The following CNTNAP2 variants were observed in gnomAD, a reference collection of about 807,000 sequenced individuals.
The protein encoded by CNTNAP2 is contactin associated protein 2.
In CNTNAP2, 98 loss-of-function variants were observed where a neutral mutation model predicts 155.2. The observed-to-expected ratio is 0.63, with a 90% CI of 0.54 to 0.75. The LOEUF is 0.75. Ranked by LOEUF, CNTNAP2 falls within the 30% of genes least tolerant of loss-of-function variation. The probability of loss-of-function intolerance (pLI) is 0.00; values close to 1 mark genes in which losing one functional copy is unlikely to be tolerated. For missense variants in CNTNAP2, 1,727 were observed against 1,688.1 expected, an observed-to-expected ratio of 1.02 and a Z score of -0.40; for synonymous variants, 651 against 631.2, an observed-to-expected ratio of 1.03 and a Z score of -0.47.
chr7:147,232,723 A>T (rs1190187075), intron 8 of CNTNAP2, among the ~76,000 whole-genome samples: 1 of 152,226 alleles, frequency 6.6e-6, no homozygotes, highest in Non-Finnish European at 1.5e-5. Context: ...TGAAACCATA[A>T]TATTCCTAGA....
intron 21 of CNTNAP2, among the ~76,000 whole-genome samples, chr7:148,290,915 G>A (rs1440035407): frequency 6.6e-6 from 1 of 152,124 alleles, no homozygotes; most frequent in Non-Finnish European, 1.5e-5. Context: ...TTATACCCAT[G>A]AGGATATTAT....
chr7:147,847,408 AT>A (rs1175660837), intron 13 of CNTNAP2, among the ~76,000 whole-genome samples: 2 of 120,680 alleles, frequency 1.7e-5, no homozygotes, highest in African/African-American at 6.6e-5. Context: ...AGGCTTCTGC[AT>A]TCTTCACGTA....
intron 1 of CNTNAP2, among the ~76,000 whole-genome samples, chr7:146,243,710 C>T (rs2116931040): frequency 6.6e-6 from 1 of 152,190 alleles, no homozygotes; most frequent in East Asian, 1.9e-4. Flanking sequence ...TTCTTTCAAG[C>T]TCCTTCCTCT....
intron 1 of CNTNAP2, among the ~76,000 whole-genome samples, chr7:146,504,767 C>T (rs1797357315): frequency 6.6e-6 from 1 of 152,080 alleles, no homozygotes; most frequent in Admixed American, 6.5e-5. Context: ...TAAGGCCACC[C>T]CCAGGTAGAG....
intron 15 of CNTNAP2, among the ~76,000 whole-genome samples, chr7:148,056,213 C>A (rs573607125): frequency 6.6e-6 from 1 of 152,204 alleles, no homozygotes; most frequent in South Asian, 2.1e-4. Flanking sequence ...TTTCTTCTGC[C>A]CTTCCATTTG....
chr7:147,086,642 T>A (rs1002154191), intron 4 of CNTNAP2, among the ~76,000 whole-genome samples: 6 of 152,070 alleles, frequency 3.9e-5, no homozygotes, highest in Non-Finnish European at 8.8e-5. Context: ...TCTCTCTATG[T>A]TGCCCAGGCT....
chr7:147,831,122 G>T (rs753808082), intron 13 of CNTNAP2, among the ~76,000 whole-genome samples: 1 of 152,104 alleles, frequency 6.6e-6, no homozygotes, highest in East Asian at 1.9e-4. Flanking sequence ...ATAAATGTTT[G>T]TTGGGTCCAA....
At chr7:147,454,920 T>C (rs147731198) in intron 10 of CNTNAP2, among the ~76,000 whole-genome samples, 29 of 152,228 alleles carry the variant, frequency 1.9e-4, no homozygotes, top group Non-Finnish European at 4.1e-4. Flanking sequence ...AAAATTCCAT[T>C]TGAGAAACTG....
At chr7:146,165,218 A>G (rs1054803874) in intron 1 of CNTNAP2, among the ~76,000 whole-genome samples, 2 of 152,174 alleles carry the variant, frequency 1.3e-5, no homozygotes, top group Non-Finnish European at 2.9e-5. Flanking sequence ...GTCAATGTTC[A>G]GTAAAGTACA....
chr7:146,670,032 T>C (rs1259583673), intron 1 of CNTNAP2, among the ~76,000 whole-genome samples: 1 of 152,186 alleles, frequency 6.6e-6, no homozygotes, highest in African/African-American at 2.4e-5. Flanking sequence ...ATAGGCCTTT[T>C]AAAGAAATAT....
chr7:147,668,562 G>T (rs1015524515), intron 13 of CNTNAP2, among the ~76,000 whole-genome samples: 1 of 151,980 alleles, frequency 6.6e-6, no homozygotes, highest in Non-Finnish European at 1.5e-5. Flanking sequence ...ATAGGCCTAG[G>T]CTACTGTGTG....
chr7:146,602,397 CAG>C (rs1237502430), intron 1 of CNTNAP2, among the ~76,000 whole-genome samples: 1 of 152,090 alleles, frequency 6.6e-6, no homozygotes, highest in African/African-American at 2.4e-5. Flanking sequence ...TTTATTCATA[CAG>C]AGTAAGATAA....
intron 14 of CNTNAP2, among the ~76,000 whole-genome samples, chr7:147,913,841 T>C (rs1255634140): frequency 6.6e-6 from 1 of 152,128 alleles, no homozygotes; most frequent in Non-Finnish European, 1.5e-5. Flanking sequence ...TGAGCATCAT[T>C]CTTTGTCCTG....
chr7:146,899,408 CTCT>C (rs1380346289), intron 3 of CNTNAP2, among the ~76,000 whole-genome samples: 1 of 152,158 alleles, frequency 6.6e-6, no homozygotes, highest in East Asian at 1.9e-4. Flanking sequence ...GCCCCGAAAC[CTCT>C]TCTTATTCTA....
At chr7:146,875,867 G>A (rs998381099) in intron 3 of CNTNAP2, among the ~76,000 whole-genome samples, 2 of 130,568 alleles carry the variant, frequency 1.5e-5, no homozygotes, top group African/African-American at 2.9e-5. Context: ...ACAACATAGG[G>A]AGACCTTATC....
intron 1 of CNTNAP2, among the ~76,000 whole-genome samples, chr7:146,374,195 A>C (rs1320208622): frequency 6.6e-6 from 1 of 152,218 alleles, no homozygotes; most frequent in African/African-American, 2.4e-5. Context: ...TGAAAAAAAA[A>C]GTGGCTTTAA....
At chr7:148,308,017 T>G (rs2116511713) in intron 21 of CNTNAP2, among the ~76,000 whole-genome samples, 1 of 152,328 alleles carries the variant, frequency 6.6e-6, no homozygotes, top group South Asian at 2.1e-4. Flanking sequence ...TATTCTTGAC[T>G]TATTAAAGCT....
At chr7:147,934,474 C>A (rs3902778) in intron 14 of CNTNAP2, among the ~76,000 whole-genome samples, 1 of 152,100 alleles carries the variant, frequency 6.6e-6, no homozygotes, top group African/African-American at 2.4e-5. Context: ...AGACCTGCCC[C>A]CATGATTGAA....
chr7:147,602,322 C>T (rs1242147251), intron 12 of CNTNAP2, among the ~76,000 whole-genome samples: 2 of 150,452 alleles, frequency 1.3e-5, no homozygotes, highest in Non-Finnish European at 1.5e-5. Flanking sequence ...TCAATGAAAC[C>T]TAATGTTTGT....
Sources: allele counts gnomAD v4.1 joint callset (sites outside exome capture counted in the v4.1 genomes callset), GRCh38; gene constraint gnomAD v4.1.1; transcripts MANE v1.5; gene names NCBI Gene and HGNC (gene_info 2026-07-23, HGNC 2026-07-21).